Variants in ADGRV1 observed in about 807,000 individuals in gnomAD.
ADGRV1 encodes the protein adhesion G protein-coupled receptor V1, also known as G-protein coupled receptor 98.
Under a neutral mutation model 596.2 loss-of-function variants are expected in ADGRV1, and 359 were observed. The observed-to-expected ratio is 0.60, with a 90% confidence interval of 0.55 to 0.66. The LOEUF is 0.66. Ranked by LOEUF, ADGRV1 falls within the 30% of genes least tolerant of loss-of-function variation. ADGRV1 has a pLI of 0.00. For synonymous variants in ADGRV1, 2,681 were observed against 2,679.2 expected, an observed-to-expected ratio of 1.00 and a Z score of -0.02; for missense variants, 7,274 against 7,575.6, an observed-to-expected ratio of 0.96 and a Z score of 1.48.
intron 67 of ADGRV1, among the ~76,000 whole-genome samples, chr5:90,784,759 G>T (rs1396136831): frequency 1.3e-5 from 2 of 152,092 alleles, no homozygotes; most frequent in Non-Finnish European, 2.9e-5. Context: ...ATTGCTCAAT[G>T]AAATAAAAGA....
chr5:90,766,242 TG>T (rs1757131440), intron 59 of ADGRV1, among the ~76,000 whole-genome samples: 1 of 152,112 alleles, frequency 6.6e-6, no homozygotes, highest in African/African-American at 2.4e-5. Flanking sequence ...ATTCTGCCCC[TG>T]TTTTCCCATC....
intron 58 of ADGRV1, among the ~76,000 whole-genome samples, chr5:90,762,052 A>G (rs57547536): frequency 0.11 from 16,562 of 152,236 alleles, 1,363 homozygotes; most frequent in African/African-American, 0.23. Flanking sequence ...ATCCATCAAA[A>G]TTAACAAGCT....
intron 83 of ADGRV1, among the ~76,000 whole-genome samples, chr5:90,895,419 C>G (rs1488809120): frequency 1.3e-5 from 2 of 152,158 alleles, no homozygotes; most frequent in African/African-American, 4.8e-5. Flanking sequence ...AGGAAAATAT[C>G]TAAGACAATA....
rs1271517453 is a variant in ADGRV1, at chr5:90,789,743, T to C, written c.13935T>C (p.Ala4645=). The C allele has an allele frequency of 1.3e-6, 2 of 1,559,928 alleles. No homozygotes were observed. The highest frequency in any genetic ancestry group is 1.7e-6 in the Non-Finnish European group (2 of 1,149,274). Residue 4645 remains alanine (A), a synonymous_variant, in exon 69 of 90, where the codon GCT becomes GCC. Transcript: ENST00000405460. The part of the protein sequence containing the change: ...FGDPNGVVQF[A]PETLSKKTYS... Reference sequence around the variant, plus strand: ...ACCCAAATGGAGTTGTTCAGTTTGCTCCTGAAACTTTGTCTAAGAAGACTT... The same window carrying C: ...ACCCAAATGGAGTTGTTCAGTTTGCCCCTGAAACTTTGTCTAAGAAGACTT...
At chr5:91,086,368 C>T (rs1470275220) in intron 86 of ADGRV1, among the ~76,000 whole-genome samples, 1 of 152,194 alleles carries the variant, frequency 6.6e-6, no homozygotes, top group Non-Finnish European at 1.5e-5. Flanking sequence ...CTGCCTTATC[C>T]TAATTGCTCT....
At chr5:90,667,657 A>G (rs1029361626) in intron 21 of ADGRV1, among the ~76,000 whole-genome samples, 7 of 151,844 alleles carry the variant, frequency 4.6e-5, no homozygotes, top group African/African-American at 1.5e-4. Context: ...CTGGTGAGGA[A>G]CTGCGTTCCT....
chr5:90,817,139 G>C (rs1429583025), intron 75 of ADGRV1, among the ~76,000 whole-genome samples: 16 of 152,096 alleles, frequency 1.1e-4, no homozygotes, highest in Admixed American at 1.0e-3. Flanking sequence ...TTGTGGTTTT[G>C]ATTTGCATTT....
At chr5:90,696,590 C>T (rs867628376) in intron 33 of ADGRV1, among the ~76,000 whole-genome samples, 10 of 152,164 alleles carry the variant, frequency 6.6e-5, no homozygotes, top group Middle Eastern at 3.4e-3. Context: ...TGTTTCTAAA[C>T]AGGATATCTT....
intron 83 of ADGRV1, among the ~76,000 whole-genome samples, chr5:90,900,401 A>G (rs1300612011): frequency 6.6e-6 from 1 of 151,962 alleles, no homozygotes; most frequent in Non-Finnish European, 1.5e-5. Flanking sequence ...TGTATATCAA[A>G]ACAAATAAAT....
At chr5:91,151,104 C>T (rs1443770091) in intron 88 of ADGRV1, among the ~76,000 whole-genome samples, 1 of 152,098 alleles carries the variant, frequency 6.6e-6, no homozygotes, top group Non-Finnish European at 1.5e-5. Flanking sequence ...AATCAAGGTA[C>T]ATCTGTCTGA....
At chr5:90,880,734 A>T (rs537549156) in intron 83 of ADGRV1, among the ~76,000 whole-genome samples, 1 of 152,300 alleles carries the variant, frequency 6.6e-6, no homozygotes, top group South Asian at 2.1e-4. Context: ...TATTATACTA[A>T]CGTGCACAAA....
At chr5:91,055,756 G>A (rs1786785532) in intron 85 of ADGRV1, among the ~76,000 whole-genome samples, 1 of 152,206 alleles carries the variant, frequency 6.6e-6, no homozygotes, top group Non-Finnish European at 1.5e-5. Flanking sequence ...AACCCAGTGA[G>A]ATTAGTCTCT....
At chr5:90,815,226 C>T (rs982899865) in intron 74 of ADGRV1, among the ~76,000 whole-genome samples, 1 of 152,058 alleles carries the variant, frequency 6.6e-6, no homozygotes, top group African/African-American at 2.4e-5. Flanking sequence ...GTTCTGTTCT[C>T]GGAGCTGGGG....
rs3045850 is a variant in ADGRV1, at chr5:90,734,581, ATTT to A, written c.10549+4837_10549+4839del. Among the ~76,000 whole-genome samples, 262 of 101,098 alleles carry A rather than the reference ATTT, an allele frequency of 2.6e-3. 1 individual carries two copies. The highest frequency in any genetic ancestry group is 0.013 in the East Asian group (45 of 3,482). 66.3% of individuals were successfully genotyped at this position (101,098 alleles called of 152,430 possible). A position where few individuals can be genotyped will look rare whatever the true frequency, so the allele number is the denominator to read the frequency against. On this transcript the variant is annotated intron_variant, in intron 50 of 89. Transcript: ENST00000405460. ...AAGTGTCTTTTCAGGTCTTTAGCCT[ATTT>A]TTTTTTTTTTTTTTTTTTTGAGACA...
At chr5:90,581,825 A>G (rs1008975886) in intron 1 of ADGRV1, among the ~76,000 whole-genome samples, 10 of 152,192 alleles carry the variant, frequency 6.6e-5, no homozygotes, top group African/African-American at 2.2e-4. Flanking sequence ...TTTTAAGGCT[A>G]TTAAGTTTCT....
intron 82 of ADGRV1, among the ~76,000 whole-genome samples, chr5:90,858,193 C>A (rs1767210286): frequency 6.6e-6 from 1 of 152,178 alleles, no homozygotes; most frequent in South Asian, 2.1e-4. Context: ...AAGGACAAAT[C>A]ATCCATTGCT....
intron 8 of ADGRV1, 58 bp from the exon 9 acceptor site, chr5:90,629,152 G>A: frequency 1.1e-6 from 1 of 913,602 alleles, no homozygotes; most frequent in Non-Finnish European, 1.5e-6. Flanking sequence ...AAAATACAGA[G>A]TTTGATCATC....
chr5:90,644,672 C>G lies in ADGRV1; in HGVS notation c.2735-34C>G, dbSNP rs16868901. The stretch of plus-strand genomic sequence containing the variant: ...TCATCATTTTAAAAGTTTCGTATGT[C>G]TTCATATGTATTATGTATGTTTCCA... On this transcript the variant is annotated intron_variant, in intron 14 of 89. Coordinates refer to ENST00000405460, the MANE Select transcript of ADGRV1 (RefSeq NM_032119.4). 256,757 of 1,547,844 alleles carry G rather than the reference C, an allele frequency of 0.17. 23,339 individuals carry two copies. The highest frequency in any genetic ancestry group is 0.39 in the East Asian group (16,719 of 43,148).
At chr5:91,038,207 T>G (rs1422086434) in intron 85 of ADGRV1, among the ~76,000 whole-genome samples, 1 of 152,164 alleles carries the variant, frequency 6.6e-6, no homozygotes, top group African/African-American at 2.4e-5. Context: ...AGGAACCCTG[T>G]ATTATTAGAG....
Sources: allele counts gnomAD v4.1 joint callset (sites outside exome capture counted in the v4.1 genomes callset), GRCh38; gene constraint gnomAD v4.1.1; transcripts MANE v1.5; gene names NCBI Gene and HGNC (gene_info 2026-07-23, HGNC 2026-07-21).